VIPR2: variants seen among roughly 807,000 people sequenced by gnomAD.
VIPR2 encodes the protein vasoactive intestinal polypeptide receptor 2.
In VIPR2, 48 loss-of-function variants were observed where a neutral mutation model predicts 58.0. The observed-to-expected ratio is 0.83, with a 90% CI of 0.66 to 1.05. The LOEUF (loss-of-function observed/expected upper bound fraction) is 1.05, where lower values mean the gene tolerates loss of function less well. VIPR2 is among the 50% of genes least tolerant of loss of function. The pLI, the probability that VIPR2 is intolerant of heterozygous loss-of-function variation, is 0.00. For synonymous variants in VIPR2, 243 were observed against 235.2 expected (o/e 1.03, Z -0.30); for missense variants, 534 against 558.0 (o/e 0.96, Z 0.43).
intron 4 of VIPR2, among the ~76,000 whole-genome samples, chr7:159,073,245 A>C (rs1856492173): frequency 1.3e-5 from 2 of 152,240 alleles, no homozygotes; most frequent in Non-Finnish European, 2.9e-5. Context: ...AAATCTCAAA[A>C]TATCAAGGAT....
chr7:159,037,236 C>T (rs34876733), intron 6 of VIPR2, among the ~76,000 whole-genome samples: 9,398 of 152,310 alleles, frequency 0.062, 357 homozygotes, highest in Non-Finnish European at 0.087. Flanking sequence ...CTCCTCCCCT[C>T]GGCTACTCCA....
Position 159,098,275 on chromosome 7 carries a change from C to T in VIPR2, c.357+5482G>A, listed in dbSNP as rs1857987987. On this transcript the variant is annotated intron_variant, in intron 4 of 12. Coordinates refer to ENST00000262178, the MANE Select transcript of VIPR2 (RefSeq NM_003382.5). The surrounding 1 kb of genome is among the most constrained non-coding windows in gnomAD (Gnocchi z 5.2). ...CCCACACTTGGTGATCCCGAGCCCT[C>T]AGTCTGCTGGTGGTGGTGCTCGAGA... is the stretch of plus-strand genomic sequence containing the variant. 6.6e-6 allele frequency among the ~76,000 whole-genome samples: 1 copy of T among 152,164 alleles called. No individual in the cohort carries two copies. Among genetic ancestry groups the T allele is most frequent in the Admixed American group, 6.5e-5 (1 of 15,290 alleles).
chr7:159,046,158 C>T (rs963401900), intron 5 of VIPR2, among the ~76,000 whole-genome samples: 12 of 152,116 alleles, frequency 7.9e-5, no homozygotes, highest in African/African-American at 2.4e-4. Flanking sequence ...TTGTGGAAAG[C>T]AGTTTGGTGG....
chr7:159,062,087 G>C (rs1313086557), intron 4 of VIPR2, among the ~76,000 whole-genome samples: 1 of 152,224 alleles, frequency 6.6e-6, no homozygotes, highest in African/African-American at 2.4e-5. Flanking sequence ...TGGCCATGGG[G>C]CGCCGGCGGG....
At chr7:159,116,359 G>T (rs890615914) in intron 2 of VIPR2, among the ~76,000 whole-genome samples, 1 of 152,150 alleles carries the variant, frequency 6.6e-6, no homozygotes, top group African/African-American at 2.4e-5. Flanking sequence ...AGAGTCACAT[G>T]GGCCCTCCAG....
intron 2 of VIPR2, among the ~76,000 whole-genome samples, chr7:159,112,089 C>A (rs1261414211): frequency 6.6e-6 from 1 of 152,218 alleles, no homozygotes; most frequent in Non-Finnish European, 1.5e-5. Context: ...TAATTATATA[C>A]TGTATAATAC....
chr7:159,059,100 G>A, intron 4 of VIPR2: 1 of 378,340 alleles, frequency 2.6e-6, no homozygotes, highest in Non-Finnish European at 5.3e-6. Context: ...AACATTTCTT[G>A]GTTTAGCAAG....
In VIPR2 at chr7:159,029,020, T is replaced by G. The variant is rs1022781710; in HGVS notation, c.*1596A>C. The G allele has an allele frequency of 6.6e-6, 1 of 152,286 alleles. No homozygotes were observed. Among genetic ancestry groups the G allele is most frequent in the African/African-American group, 2.4e-5 (1 of 41,456 alleles). The allele number at this position is 152,286 out of a possible 1,614,324, so 9.4% of individuals were successfully genotyped here. On this transcript the variant is annotated 3_prime_UTR_variant, in exon 13 of 13. Coordinates refer to ENST00000262178, the MANE Select transcript of VIPR2 (RefSeq NM_003382.5). ...GTCTCTGGACACTGCTGCTTTGCTG[T>G]CCTAACAGCCCCTCTGTCCGGCCTC...
chr7:159,133,028 A>ATTGGCATACAGATTGATT (rs1563355752), intron 2 of VIPR2, among the ~76,000 whole-genome samples: 3 of 143,012 alleles, frequency 2.1e-5, no homozygotes, highest in Non-Finnish European at 3.1e-5. Flanking sequence ...AGACAGAATG[A>ATTGGCATACAGATTGATT]TTCCAAAAAT....
intron 4 of VIPR2, among the ~76,000 whole-genome samples, chr7:159,079,538 C>A (rs1214695228): frequency 6.6e-6 from 1 of 152,070 alleles, no homozygotes; most frequent in Non-Finnish European, 1.5e-5. Flanking sequence ...AAAATTGACA[C>A]CCTAACATCA....
chr7:159,131,182 G>A (rs1000380214), intron 2 of VIPR2, among the ~76,000 whole-genome samples: 2 of 152,162 alleles, frequency 1.3e-5, no homozygotes, highest in African/African-American at 4.8e-5. Context: ...TCAAAGAATC[G>A]ACAGACCAGA....
chr7:159,061,729 A>C (rs1200631697), intron 4 of VIPR2, among the ~76,000 whole-genome samples: 1 of 152,214 alleles, frequency 6.6e-6, no homozygotes, highest in Admixed American at 6.5e-5. Context: ...GCAAGTATTT[A>C]CTGGGCGCCC....
intron 2 of VIPR2, among the ~76,000 whole-genome samples, chr7:159,132,662 G>C (rs1253140162): frequency 6.6e-6 from 1 of 152,238 alleles, no homozygotes; most frequent in Non-Finnish European, 1.5e-5. Context: ...ACAGTGGGAA[G>C]TTTATTCCAC....
chr7:159,065,130 G>C (rs773603234), intron 4 of VIPR2, among the ~76,000 whole-genome samples: 2 of 152,214 alleles, frequency 1.3e-5, no homozygotes, highest in Admixed American at 1.3e-4. Flanking sequence ...TCTCCTAAAG[G>C]CTTGATCCCT....
chr7:159,083,167 T>C (rs1356769997), intron 4 of VIPR2, among the ~76,000 whole-genome samples: 2 of 152,180 alleles, frequency 1.3e-5, no homozygotes, highest in East Asian at 1.9e-4. Context: ...TCACACACAC[T>C]AATTCCATTG....
At chr7:159,136,406 T>C (rs1649040273) in intron 2 of VIPR2, among the ~76,000 whole-genome samples, 1 of 152,222 alleles carries the variant, frequency 6.6e-6, no homozygotes, top group African/African-American at 2.4e-5. Context: ...TGTTTTAACC[T>C]AAGTATTGAA....
In VIPR2 at chr7:159,031,962, A is replaced by G. The variant is rs1204986748; in HGVS notation, c.1077T>C (p.Phe359=). The change falls in exon 11 of 13, where the codon TTT becomes TTC. Residue 359 remains phenylalanine, a synonymous_variant. Coordinates refer to ENST00000262178, the MANE Select transcript of VIPR2 (RefSeq NM_003382.5). The surrounding 1 kb of genome is among the most constrained non-coding windows in gnomAD (Gnocchi z 4.0). The stretch of plus-strand genomic sequence containing the variant: ...CCTGGAACGACCCGAGGCACAGCTC[A>G]AACAGTATCTGGTATTTGGAGGAGA... ...ISISSKYQIL[F]ELCLGSFQGL... 3.1e-6 allele frequency: 5 copies of G among 1,614,064 alleles called. No homozygotes were observed.
At chr7:159,074,758 T>G (rs938096763) in intron 4 of VIPR2, among the ~76,000 whole-genome samples, 2 of 152,058 alleles carry the variant, frequency 1.3e-5, no homozygotes, top group Non-Finnish European at 2.9e-5. Flanking sequence ...GAGGCTGAGG[T>G]GGGAGGATTG....
At chr7:159,101,542 G>C (rs1217647142) in intron 4 of VIPR2, among the ~76,000 whole-genome samples, 6 of 124,494 alleles carry the variant, frequency 4.8e-5, no homozygotes, top group African/African-American at 9.7e-5. Flanking sequence ...CCGACGAGGC[G>C]GTTCCCCTGA....
Sources: gnomAD v4.1 joint callset for allele counts (sites outside exome capture counted in the v4.1 genomes callset) on GRCh38, gnomAD v4.1.1 for gene constraint, Gnocchi (gnomAD v3.1) non-coding constraint, MANE v1.5 for transcripts, NCBI Gene and HGNC (gene_info 2026-07-23, HGNC 2026-07-21) for gene names.